Variants in FOXP1 observed in about 807,000 individuals in gnomAD.
The protein encoded by FOXP1 is forkhead box P1, also known as forkhead box protein P1.
In FOXP1, 15 loss-of-function variants were observed where a neutral mutation model predicts 98.2. The observed-to-expected ratio is 0.15, with a 90% CI of 0.10 to 0.24. FOXP1 has a LOEUF of 0.24. Among genes scored for constraint, FOXP1 ranks in the 10% least tolerant of loss-of-function variants. The pLI is 1.00. For missense variants in FOXP1, 633 were observed against 848.5 expected (o/e 0.75, Z 3.15); for synonymous variants, 371 against 314.5 (o/e 1.18, Z -1.90).
chr3:71,265,960 G>T (rs908607697), intron 5 of FOXP1, among the ~76,000 whole-genome samples: 37 of 152,158 alleles, frequency 2.4e-4, no homozygotes, highest in African/African-American at 8.9e-4. Context: ...AGGCCATCCC[G>T]GTCTAATGAC....
At chr3:71,286,448 C>T (rs1011069977) in intron 5 of FOXP1, among the ~76,000 whole-genome samples, 2 of 152,160 alleles carry the variant, frequency 1.3e-5, no homozygotes, top group Admixed American at 1.3e-4. Context: ...AAATTTCATA[C>T]TCTAAAAGCT....
intron 7 of FOXP1, among the ~76,000 whole-genome samples, chr3:71,071,358 C>T (rs1405530903): frequency 6.6e-6 from 1 of 152,192 alleles, no homozygotes; most frequent in East Asian, 1.9e-4. Flanking sequence ...GGCTCATCTA[C>T]AGGCCGCTGA....
At chr3:71,308,749 A>ATGTGTGTGTGTGTGTGTG (rs71104439) in intron 4 of FOXP1, among the ~76,000 whole-genome samples, 3 of 132,288 alleles carry the variant, frequency 2.3e-5, no homozygotes, top group Admixed American at 7.6e-5. Context: ...TTCTACCACA[A>ATGTGTGTGTGTGTGTGTG]TGTGTGTGTG....
At chr3:71,247,192 C>T (rs1196740717) in intron 5 of FOXP1, among the ~76,000 whole-genome samples, 1 of 152,100 alleles carries the variant, frequency 6.6e-6, no homozygotes, top group Non-Finnish European at 1.5e-5. Context: ...ATGTATTATT[C>T]CACAACCTGG....
chr3:70,967,554 C>A (rs1269458240), intron 19 of FOXP1, among the ~76,000 whole-genome samples: 1 of 152,074 alleles, frequency 6.6e-6, no homozygotes, highest in Admixed American at 6.5e-5. Flanking sequence ...ATTCCACACT[C>A]TCCTACAGTG....
intron 6 of FOXP1, among the ~76,000 whole-genome samples, chr3:71,164,004 T>C (rs1294116778): frequency 1.3e-5 from 2 of 152,160 alleles, no homozygotes; most frequent in Non-Finnish European, 2.9e-5. Context: ...TGGCAGAACA[T>C]GAGTCTGTCT....
chr3:71,428,683 G>A (rs2084387579), intron 3 of FOXP1, among the ~76,000 whole-genome samples: 1 of 152,216 alleles, frequency 6.6e-6, no homozygotes, highest in South Asian at 2.1e-4. Context: ...TCAAGAAGCA[G>A]AGTCATAAAA....
At chr3:71,069,072 A>C (rs73838151) in intron 7 of FOXP1, among the ~76,000 whole-genome samples, 1 of 152,226 alleles carries the variant, frequency 6.6e-6, no homozygotes, top group Non-Finnish European at 1.5e-5. Flanking sequence ...TGTCACTGTT[A>C]TGCATATGTT....
At chr3:71,399,887 T>C (rs998492468) in intron 3 of FOXP1, among the ~76,000 whole-genome samples, 1 of 152,186 alleles carries the variant, frequency 6.6e-6, no homozygotes, top group African/African-American at 2.4e-5. Context: ...ATTTCTCCAG[T>C]TGTTAATTTG....
intron 12 of FOXP1, among the ~76,000 whole-genome samples, chr3:71,008,695 G>C (rs1315283628): frequency 6.6e-6 from 1 of 152,132 alleles, no homozygotes; most frequent in Non-Finnish European, 1.5e-5. Context: ...TCTGTTGGCG[G>C]TGAGGGAAAG....
At chr3:71,068,046 A>G (rs180894649) in intron 7 of FOXP1, among the ~76,000 whole-genome samples, 1 of 151,898 alleles carries the variant, frequency 6.6e-6, no homozygotes, top group Admixed American at 6.5e-5. Flanking sequence ...GGGAGGGGAT[A>G]TCGAGGGGTA....
In FOXP1 at chr3:71,123,909, A is replaced by C. The variant is rs143776623; in HGVS notation, c.181-11272T>G. 4.1e-4 allele frequency among the ~76,000 whole-genome samples: 62 copies of C among 152,314 alleles called. 1 individual carries two copies. The East Asian group carries it at 0.012, about 29-fold the overall frequency. On this transcript the variant is annotated intron_variant, in intron 6 of 20. Coordinates refer to ENST00000649528, the MANE Select transcript of FOXP1 (RefSeq NM_001349338.3). ...TTGCCAGACAAGTACTAAACAGTGC[A>C]AACCCATTATATTATTTATTTTTTC... is the stretch of plus-strand genomic sequence containing the variant.
chr3:71,104,701 C>G (rs992303094), intron 7 of FOXP1, among the ~76,000 whole-genome samples: 65 of 152,132 alleles, frequency 4.3e-4, no homozygotes, highest in African/African-American at 1.5e-3. Context: ...CTCAGGAAAC[C>G]CATCCACAAC....
At chr3:71,497,276 A>G (rs2091485842) in intron 2 of FOXP1, among the ~76,000 whole-genome samples, 1 of 152,182 alleles carries the variant, frequency 6.6e-6, no homozygotes, top group Admixed American at 6.5e-5. Flanking sequence ...TCAAACAAAC[A>G]GAAGTTTATC....
chr3:71,364,916 A>C lies in FOXP1; in HGVS notation c.-167-5672T>G, dbSNP rs916005293. Among the ~76,000 whole-genome samples the C allele has an allele frequency of 2.6e-5, 4 of 152,222 alleles. No homozygotes were observed. In the East Asian group the frequency reaches 7.7e-4, roughly 29 times the overall value. ...TATATAAGATATTTTACTATCTTTT[A>C]GTCATATTTTAGAAAAGAGTTGGTA... On this transcript the variant is annotated intron_variant, in intron 3 of 20. Coordinates refer to ENST00000649528, the MANE Select transcript of FOXP1 (RefSeq NM_001349338.3).
At chr3:71,444,169 C>T (rs2086199834) in intron 3 of FOXP1, among the ~76,000 whole-genome samples, 1 of 152,220 alleles carries the variant, frequency 6.6e-6, no homozygotes, top group Admixed American at 6.5e-5. Context: ...GCTTACCACA[C>T]GTGTACTCGG....
chr3:71,144,020 C>A (rs2060190682), intron 6 of FOXP1, among the ~76,000 whole-genome samples: 1 of 151,938 alleles, frequency 6.6e-6, no homozygotes, highest in South Asian at 2.1e-4. Flanking sequence ...ATTTTTGCCA[C>A]ATAATTTTAC....
chr3:71,293,655 T>C (rs1269747387), intron 5 of FOXP1, among the ~76,000 whole-genome samples: 1 of 152,180 alleles, frequency 6.6e-6, no homozygotes, highest in Non-Finnish European at 1.5e-5. Context: ...CTATTGAGCA[T>C]ATTTCTCTGG....
chr3:71,244,174 A>G (rs181896481), intron 5 of FOXP1, among the ~76,000 whole-genome samples: 31 of 152,358 alleles, frequency 2.0e-4, no homozygotes, highest in Admixed American at 1.3e-4. Flanking sequence ...AAATGTACAC[A>G]TCAGTGTTAC....
Sources: allele counts gnomAD v4.1 joint callset (sites outside exome capture counted in the v4.1 genomes callset), GRCh38; gene constraint gnomAD v4.1.1; transcripts MANE v1.5; gene names NCBI Gene and HGNC (gene_info 2026-07-23, HGNC 2026-07-21).